RP1: variants seen among roughly 807,000 people sequenced by gnomAD.
RP1 encodes oxygen-regulated protein 1.
A neutral mutation model predicts 14.8 loss-of-function variants in RP1; 16 were observed. The observed-to-expected ratio is 1.08, with a 90% CI of 0.73 to 1.65. The LOEUF (loss-of-function observed/expected upper bound fraction) is 1.65. Ranked by LOEUF, RP1 falls within the 40% of genes most tolerant of loss-of-function variation. The pLI, the probability that RP1 is intolerant of heterozygous loss-of-function variation, is 0.00. For missense variants in RP1, 2,631 were observed against 2,535.0 expected (o/e 1.04, Z -0.81); for synonymous variants, 876 against 883.6 (o/e 0.99, Z 0.15).
rs148298469 is a variant in RP1 at position 54,641,173 on chromosome 8, C to G, written c.788-7812C>G. On this transcript the variant is annotated intron_variant, in intron 3 of 22. Transcript: ENST00000636932. The stretch of plus-strand genomic sequence containing the variant: ...TGTTAGTCAGGATGGTCTCGATCTC[C>G]TGACCTTGTGATCTGCCCTCCTCAG... Among the ~76,000 whole-genome samples the G allele has an allele frequency of 3.4e-3, 518 of 152,144 alleles. 1 individual carries two copies. Among genetic ancestry groups the G allele is most frequent in the African/African-American group, 0.012 (487 of 41,506 alleles).
chr8:54,771,407 T>A (rs1809902374), downstream of RP1, among the ~76,000 whole-genome samples: 1 of 152,042 alleles, frequency 6.6e-6, no homozygotes, highest in Non-Finnish European at 1.5e-5. Flanking sequence ...GCTGAAAGTA[T>A]CAGAAGTCCT....
At chr8:54,767,598 G>C (rs1283790769) in intron 22 of RP1, among the ~76,000 whole-genome samples, 1 of 152,076 alleles carries the variant, frequency 6.6e-6, no homozygotes, top group Non-Finnish European at 1.5e-5. Flanking sequence ...GACCTCAGGT[G>C]ATCCATCTGC....
At chr8:54,617,160 T>C (rs1215248140) in intron 1 of RP1, among the ~76,000 whole-genome samples, 1 of 152,164 alleles carries the variant, frequency 6.6e-6, no homozygotes, top group Admixed American at 6.5e-5. Context: ...TTGCTACATA[T>C]AAGGAAGTCA....
intron 1 of RP1, among the ~76,000 whole-genome samples, chr8:54,598,863 T>G (rs1015690352): frequency 1.3e-5 from 2 of 152,350 alleles, no homozygotes; most frequent in Admixed American, 1.3e-4. Flanking sequence ...CCCTTACAGG[T>G]AATGTGTCAT....
At chr8:54,782,793 T>C (rs1025666996) in intron 23 of RP1, among the ~76,000 whole-genome samples, 1 of 152,154 alleles carries the variant, frequency 6.6e-6, no homozygotes, top group Non-Finnish European at 1.5e-5. Flanking sequence ...AAACAACTCA[T>C]AGATCTTTTT....
chr8:54,592,977 G>A lies in RP1; in HGVS notation c.-12-27978G>A, dbSNP rs537049820. Among the ~76,000 whole-genome samples the A allele has an allele frequency of 1.3e-3, 191 of 152,244 alleles. 1 individual carries two copies. Among genetic ancestry groups the A allele is most frequent in the East Asian group, 1.9e-3 (10 of 5,178 alleles). ...AAACCGATCAGCTGGCCCCCTACAG[G>A]CATCAGTGATTAGGAAGTACCTGGC... On this transcript the variant is annotated intron_variant, in intron 1 of 22. Transcript: ENST00000636932.
intron 12 of RP1, among the ~76,000 whole-genome samples, chr8:54,695,345 T>A (rs1807833918): frequency 6.6e-6 from 1 of 152,134 alleles, no homozygotes; most frequent in African/African-American, 2.4e-5. Flanking sequence ...CGTGTGGGAC[T>A]AACAGCAATG....
At chr8:54,838,304 G>A (rs187473995) in intron 25 of RP1, among the ~76,000 whole-genome samples, 196 of 152,246 alleles carry the variant, frequency 1.3e-3, no homozygotes, top group African/African-American at 4.5e-3. Context: ...CTCACCCAAT[G>A]TCTTAATTTT....
chr8:54,820,145 G>A (rs1811222267), intron 24 of RP1, among the ~76,000 whole-genome samples: 1 of 151,928 alleles, frequency 6.6e-6, no homozygotes, highest in Non-Finnish European at 1.5e-5. Flanking sequence ...TTATTTTATT[G>A]TGGCTGAGCT....
At chr8:54,854,235 A>G (rs1285657954) in intron 26 of RP1, among the ~76,000 whole-genome samples, 2 of 152,196 alleles carry the variant, frequency 1.3e-5, no homozygotes, top group Admixed American at 1.3e-4. Flanking sequence ...TGGAGGAATT[A>G]CAGTACCAGG....
intron 15 of RP1, among the ~76,000 whole-genome samples, chr8:54,717,686 G>T (rs959737305): frequency 6.6e-6 from 1 of 151,984 alleles, no homozygotes; most frequent in Admixed American, 6.6e-5. Context: ...TTAAGATCAA[G>T]AACAAAGCAA....
rs145281435 is a variant in RP1 at position 54,848,711 on chromosome 8, T to C, written c.3836-3863T>C. ...TAAAGAGATAAAAAAAGTTTAGTGA[T>C]GAAGAACAGTTCTTTCCCAAGATGA... On this transcript the variant is annotated intron_variant, in intron 25 of 28. Coordinates refer to the RP1 transcript ENST00000637698. Among the ~76,000 whole-genome samples the C allele has an allele frequency of 5.4e-4, 82 of 152,354 alleles. 1 individual carries two copies. Among genetic ancestry groups the C allele is most frequent in the African/African-American group, 1.9e-3 (81 of 41,580 alleles).
chr8:54,838,199 C>T (rs911715133), intron 25 of RP1, among the ~76,000 whole-genome samples: 1 of 152,196 alleles, frequency 6.6e-6, no homozygotes. Flanking sequence ...TGACTTTCTT[C>T]TTAGCTAATT....
chr8:54,821,550 T>C (rs1451239625), intron 24 of RP1, among the ~76,000 whole-genome samples: 2 of 152,190 alleles, frequency 1.3e-5, no homozygotes, highest in Non-Finnish European at 1.5e-5. Flanking sequence ...TACTCTGATA[T>C]GTAGAAAGCA....
At chr8:54,634,051 A>G (rs1806303265), downstream of RP1, among the ~76,000 whole-genome samples, 1 of 152,158 alleles carries the variant, frequency 6.6e-6, no homozygotes, top group African/African-American at 2.4e-5. Flanking sequence ...CTACCCTGAA[A>G]ACAAAATGAC....
exon 16 of RP1, chr8:54,720,281 T>C (rs1057171907): frequency 6.5e-6 from 10 of 1,535,342 alleles, no homozygotes; most frequent in Non-Finnish European, 8.7e-6. Flanking sequence ...ATGAGAATGT[T>C]TGCTTCTATC....
At chr8:54,816,110 TAAA>T (rs1158245921) in intron 24 of RP1, among the ~76,000 whole-genome samples, 1 of 152,098 alleles carries the variant, frequency 6.6e-6, no homozygotes, top group Admixed American at 6.6e-5. Context: ...GGTAGATTCT[TAAA>T]AATAAAACCC....
intron 3 of RP1, among the ~76,000 whole-genome samples, chr8:54,639,206 T>C (rs760876072): frequency 6.6e-6 from 1 of 152,222 alleles, no homozygotes; most frequent in Non-Finnish European, 1.5e-5. Flanking sequence ...TATCTGCTTC[T>C]TTTACTTAGC....
exon 18 of RP1, chr8:54,734,647 T>G (rs1258043298): frequency 1.3e-6 from 2 of 1,535,696 alleles, no homozygotes; most frequent in African/African-American, 2.7e-5. Context: ...AATGTCACTC[T>G]CTGGGTGTAT....
Sources: gnomAD v4.1 joint callset for allele counts (sites outside exome capture counted in the v4.1 genomes callset) on GRCh38, gnomAD v4.1.1 for gene constraint, MANE v1.5 for transcripts, NCBI Gene and HGNC (gene_info 2026-07-23, HGNC 2026-07-21) for gene names.